The following CAST variants were observed in gnomAD, a reference collection of about 807,000 sequenced individuals.
The protein encoded by CAST is MIR583 host.
A neutral mutation model predicts 119.6 loss-of-function variants in CAST; 76 were observed. That is an observed-to-expected ratio of 0.64 (90% confidence interval 0.53 to 0.77). The LOEUF (loss-of-function observed/expected upper bound fraction) is 0.77, where lower values mean the gene tolerates loss of function less well. CAST is among the 30% of genes least tolerant of loss of function. The pLI, the probability that CAST is intolerant of heterozygous loss-of-function variation, is 0.00. For missense variants in CAST, 953 were observed against 946.5 expected, an observed-to-expected ratio of 1.01 and a Z score of -0.09; for synonymous variants, 319 against 331.6, an observed-to-expected ratio of 0.96 and a Z score of 0.41.
At chr5:96,106,217 T>C in the CAST span, among the ~76,000 whole-genome samples, 1 of 152,222 alleles carries the variant, frequency 6.6e-6, no homozygotes, top group Non-Finnish European at 1.5e-5. Context: ...TGTGTCTCTA[T>C]TTCCTTCAGT....
chr5:96,620,039 A>G (rs943847989), intron 1 of CAST, among the ~76,000 whole-genome samples: 3 of 152,208 alleles, frequency 2.0e-5, no homozygotes, highest in Non-Finnish European at 2.9e-5. Flanking sequence ...AATGCATGTT[A>G]AATGACAATG....
the CAST span, among the ~76,000 whole-genome samples, chr5:96,268,913 C>T: frequency 2.2e-3 from 339 of 152,160 alleles, 6 homozygotes; most frequent in African/African-American, 7.7e-3. Flanking sequence ...AGCAGTTTCC[C>T]CCAATGCTGT....
At chr5:96,104,350 G>A in the CAST span, among the ~76,000 whole-genome samples, 1 of 151,046 alleles carries the variant, frequency 6.6e-6, no homozygotes, top group Non-Finnish European at 1.5e-5. Flanking sequence ...TTTTCTTCTA[G>A]GGTTTTTATG....
the CAST span, among the ~76,000 whole-genome samples, chr5:96,375,922 AATATAAATATATAT>A: frequency 1.3e-4 from 19 of 147,552 alleles, no homozygotes. Flanking sequence ...TAAATATATA[AATATAAATATATAT>A]AAATATAAAT....
chr5:96,468,944 A>T, the CAST span, among the ~76,000 whole-genome samples: 3 of 152,120 alleles, frequency 2.0e-5, no homozygotes, highest in Non-Finnish European at 2.9e-5. Flanking sequence ...TAAACTAAAA[A>T]TAATATGTGC....
the CAST span, among the ~76,000 whole-genome samples, chr5:96,477,034 C>T: frequency 3.9e-3 from 566 of 145,324 alleles, 3 homozygotes; most frequent in African/African-American, 0.012. Context: ...GTTGATCTAT[C>T]TAGTAACTAA....
chr5:96,002,285 T>C, the CAST span, among the ~76,000 whole-genome samples: 12 of 152,238 alleles, frequency 7.9e-5, no homozygotes, highest in Non-Finnish European at 1.6e-4. Context: ...CTCTTTTAAC[T>C]AGGAAGTTTA....
the CAST span, among the ~76,000 whole-genome samples, chr5:96,150,012 T>C: frequency 6.6e-6 from 1 of 152,200 alleles, no homozygotes; most frequent in Non-Finnish European, 1.5e-5. Flanking sequence ...TCCTATTGTA[T>C]ATTTGTTATC....
At chr5:96,050,089 AG>A in the CAST span, 1 of 152,128 alleles carries the variant, frequency 6.6e-6, no homozygotes, top group East Asian at 1.9e-4. Flanking sequence ...AAAAAGAAGC[AG>A]TAGATTTAGT....
the CAST span, among the ~76,000 whole-genome samples, chr5:96,097,235 A>G: frequency 6.6e-6 from 1 of 151,928 alleles, no homozygotes. Context: ...TTTAGTTATA[A>G]TATTAGCCTT....
intron 3 of CAST, among the ~76,000 whole-genome samples, chr5:96,708,385 T>C (rs1395804160): frequency 6.6e-6 from 1 of 152,244 alleles, no homozygotes; most frequent in Admixed American, 6.5e-5. Flanking sequence ...TGCAGTTATG[T>C]GTAGTTTATA....
the CAST span, chr5:96,416,010 A>T: frequency 6.9e-7 from 1 of 1,457,160 alleles, no homozygotes; most frequent in Non-Finnish European, 9.6e-7. Context: ...ATGCCAAGCT[A>T]TAGGGACAAT....
the CAST span, among the ~76,000 whole-genome samples, chr5:96,425,200 T>C: frequency 4.6e-5 from 7 of 152,210 alleles, no homozygotes; most frequent in Non-Finnish European, 8.8e-5. Flanking sequence ...ATCCTTCTAT[T>C]AGCCTATACT....
chr5:96,015,179 G>T, the CAST span, among the ~76,000 whole-genome samples: 3 of 152,098 alleles, frequency 2.0e-5, no homozygotes, highest in East Asian at 3.9e-4. Flanking sequence ...TTTTTTAAAG[G>T]TATAATTAAA....
At chr5:96,045,334 C>G in the CAST span, among the ~76,000 whole-genome samples, 2 of 138,124 alleles carry the variant, frequency 1.4e-5, no homozygotes, top group Non-Finnish European at 3.1e-5. Flanking sequence ...GCCTGGGTGA[C>G]AAGAGTGAAA....
the CAST span, among the ~76,000 whole-genome samples, chr5:96,106,473 A>G: frequency 7.9e-5 from 12 of 151,914 alleles, no homozygotes; most frequent in East Asian, 5.8e-4. Context: ...CCTTCATTTC[A>G]TTATGTACCC....
the CAST span, among the ~76,000 whole-genome samples, chr5:96,249,313 G>A: frequency 2.0e-5 from 3 of 152,172 alleles, no homozygotes; most frequent in African/African-American, 7.2e-5. Context: ...GTCTGCTCAT[G>A]CAGGGATTCT....
upstream of CAST, among the ~76,000 whole-genome samples, chr5:96,527,419 AT>A (rs888472669): frequency 1.5e-4 from 23 of 151,890 alleles, no homozygotes; most frequent in African/African-American, 5.3e-4. Context: ...GAGTCCCAAG[AT>A]TTTTTTTCCT....
At chr5:96,510,514 T>G in the CAST span, among the ~76,000 whole-genome samples, 1 of 152,292 alleles carries the variant, frequency 6.6e-6, no homozygotes, top group Admixed American at 6.5e-5. Flanking sequence ...CTTGTTTTGT[T>G]CTTAAGTTCC....
Sources: allele counts gnomAD v4.1 joint callset (sites outside exome capture counted in the v4.1 genomes callset), GRCh38; gene constraint gnomAD v4.1.1; transcripts MANE v1.5; gene names NCBI Gene and HGNC (gene_info 2026-07-23, HGNC 2026-07-21).